CEP112: variants seen among roughly 807,000 people sequenced by gnomAD.
CEP112 encodes centrosomal protein 112, also known as centrosomal protein of 112 kDa.
CEP112 carries 127 observed loss-of-function variants against 153.0 expected under a neutral mutation model. The ratio of observed to expected loss-of-function variants is 0.83; its 90% confidence interval spans 0.72 to 0.96. The LOEUF (loss-of-function observed/expected upper bound fraction) is 0.96. Among genes scored for constraint, CEP112 ranks in the 40% least tolerant of loss-of-function variants. CEP112 has a pLI of 0.00. For synonymous variants in CEP112, 358 were observed against 374.4 expected, an observed-to-expected ratio of 0.96 and a Z score of 0.51; for missense variants, 1,089 against 1,101.2, an observed-to-expected ratio of 0.99 and a Z score of 0.16.
At chr17:65,906,734 T>G (rs577480646) in intron 19 of CEP112, among the ~76,000 whole-genome samples, 1 of 152,294 alleles carries the variant, frequency 6.6e-6, no homozygotes, top group South Asian at 2.1e-4. Context: ...ATGTGTATGC[T>G]TTGTTCTGTG....
rs1431897023 is a variant in CEP112 at position 65,937,801 on chromosome 17, T to G, written c.1873-10112A>C. Among the ~76,000 whole-genome samples, 129 of 79,538 alleles carry G rather than the reference T, an allele frequency of 1.6e-3. 9 individuals are homozygous for G. The highest frequency in any genetic ancestry group is 4.0e-3 in the African/African-American group (89 of 22,378). 52.2% of individuals were successfully genotyped at this position (79,538 alleles called of 152,430 possible). A position where few individuals can be genotyped will look rare whatever the true frequency, so the allele number is the denominator to read the frequency against. On this transcript the variant is annotated intron_variant, in intron 18 of 26. Coordinates refer to ENST00000535342, the MANE Select transcript of CEP112 (RefSeq NM_001199165.4). Reference sequence around the variant, plus strand: ...CCGTCTGGGAGGGGGGTGGGGGGGGTCAGCCCCCCGCCCGGCCAGCCGCCC... The same window carrying G: ...CCGTCTGGGAGGGGGGTGGGGGGGGGCAGCCCCCCGCCCGGCCAGCCGCCC...
intron 21 of CEP112, among the ~76,000 whole-genome samples, chr17:65,839,105 C>A (rs1433862947): frequency 6.6e-6 from 1 of 151,888 alleles, no homozygotes; most frequent in Non-Finnish European, 1.5e-5. Context: ...TACTCAAAGT[C>A]AACAAAAAAA....
At chr17:65,732,073 C>G (rs1222498958) in intron 23 of CEP112, among the ~76,000 whole-genome samples, 4 of 152,178 alleles carry the variant, frequency 2.6e-5, no homozygotes, top group Non-Finnish European at 5.9e-5. Flanking sequence ...TGCCCAGTTC[C>G]ATCAGAGGAA....
At chr17:65,883,405 G>A (rs2059157771) in intron 20 of CEP112, among the ~76,000 whole-genome samples, 1 of 151,974 alleles carries the variant, frequency 6.6e-6, no homozygotes, top group African/African-American at 2.4e-5. Context: ...CTGTCACCCA[G>A]GCTGGAGTGC....
intron 16 of CEP112, among the ~76,000 whole-genome samples, chr17:66,011,115 TA>T (rs1335083358): frequency 1.3e-5 from 2 of 152,170 alleles, no homozygotes; most frequent in Non-Finnish European, 2.9e-5. Flanking sequence ...GTAGGCTTTT[TA>T]TTACTGATTT....
intron 1 of CEP112, among the ~76,000 whole-genome samples, chr17:66,186,653 C>T (rs1202150586): frequency 1.3e-5 from 2 of 152,280 alleles, no homozygotes; most frequent in Non-Finnish European, 1.5e-5. Context: ...CTTGGCAAGG[C>T]TGCAATCCCT....
At chr17:65,966,580 C>G (rs1029377475) in intron 17 of CEP112, among the ~76,000 whole-genome samples, 2 of 152,234 alleles carry the variant, frequency 1.3e-5, no homozygotes, top group Non-Finnish European at 2.9e-5. Context: ...GTCCCCATGC[C>G]CTTTCCAGCT....
At chr17:66,033,851 T>C (rs1286187147) in intron 12 of CEP112, among the ~76,000 whole-genome samples, 1 of 152,238 alleles carries the variant, frequency 6.6e-6, no homozygotes, top group Non-Finnish European at 1.5e-5. Context: ...GCTTAGCTTG[T>C]AGTAGGTATT....
At chr17:65,936,205 C>T (rs1033817829) in intron 18 of CEP112, among the ~76,000 whole-genome samples, 2 of 152,102 alleles carry the variant, frequency 1.3e-5, no homozygotes, top group Non-Finnish European at 2.9e-5. Context: ...AATAGAACAT[C>T]TGAACAGACC....
At chr17:66,056,805 T>C (rs1201420992) in intron 11 of CEP112, among the ~76,000 whole-genome samples, 4 of 152,178 alleles carry the variant, frequency 2.6e-5, no homozygotes, top group African/African-American at 4.8e-5. Context: ...GTAAATTATA[T>C]TGTGGTGGAA....
intron 19 of CEP112, among the ~76,000 whole-genome samples, chr17:65,925,649 TA>T (rs1479123082): frequency 6.6e-6 from 1 of 152,208 alleles, no homozygotes; most frequent in African/African-American, 2.4e-5. Context: ...TAAATTGTTT[TA>T]CGCTAACCCC....
intron 8 of CEP112, among the ~76,000 whole-genome samples, chr17:66,073,644 A>T (rs985333567): frequency 6.6e-6 from 1 of 152,216 alleles, no homozygotes; most frequent in African/African-American, 2.4e-5. Context: ...GCCACACCTT[A>T]GGACTACTCT....
chr17:65,948,752 C>T (rs923672335), intron 18 of CEP112, among the ~76,000 whole-genome samples: 10 of 151,936 alleles, frequency 6.6e-5, no homozygotes, highest in African/African-American at 2.2e-4. Flanking sequence ...TTCTTCAAAG[C>T]GAAAGAAAGA....
intron 21 of CEP112, among the ~76,000 whole-genome samples, chr17:65,818,655 G>A (rs1036992835): frequency 2.6e-5 from 4 of 151,830 alleles, no homozygotes; most frequent in African/African-American, 4.8e-5. Context: ...TAGATGGTCT[G>A]AGACTAAATG....
chr17:65,845,135 C>G (rs2057681443), intron 21 of CEP112, among the ~76,000 whole-genome samples: 1 of 152,130 alleles, frequency 6.6e-6, no homozygotes, highest in Non-Finnish European at 1.5e-5. Flanking sequence ...GCCTGACCAA[C>G]ATGGAGAAAC....
At chr17:66,136,951 T>C (rs896789352) in intron 4 of CEP112, among the ~76,000 whole-genome samples, 1 of 151,934 alleles carries the variant, frequency 6.6e-6, no homozygotes, top group African/African-American at 2.4e-5. Flanking sequence ...TTTTCAAATA[T>C]GCAGACATTA....
chr17:65,794,945 T>C lies in CEP112; in HGVS notation c.2395-44221A>G, dbSNP rs188344512. Reference sequence around the variant, plus strand: ...TGGGGACTGTGATCTGTTTTGTTCATTGATATATTCCAAGTACATGGAACA... The same window carrying C: ...TGGGGACTGTGATCTGTTTTGTTCACTGATATATTCCAAGTACATGGAACA... On this transcript the variant is annotated intron_variant, in intron 21 of 26. Coordinates refer to ENST00000535342, the MANE Select transcript of CEP112 (RefSeq NM_001199165.4). Among the ~76,000 whole-genome samples, 222 of 152,372 alleles carry C rather than the reference T, an allele frequency of 1.5e-3. 2 individuals are homozygous for C. The highest frequency in any genetic ancestry group is 0.014 in the Middle Eastern group (4 of 294).
chr17:66,058,405 T>C (rs1598258793), intron 11 of CEP112, among the ~76,000 whole-genome samples: 2 of 151,662 alleles, frequency 1.3e-5, no homozygotes, highest in South Asian at 2.1e-4. Flanking sequence ...AATAACAAAA[T>C]AAAAACTAGA....
intron 20 of CEP112, among the ~76,000 whole-genome samples, chr17:65,879,548 T>C (rs559818762): frequency 1.3e-5 from 2 of 152,164 alleles, no homozygotes; most frequent in African/African-American, 4.8e-5. Context: ...TAAATGTGAC[T>C]CAAAAGCAAG....
Sources: gnomAD v4.1 joint callset for allele counts (sites outside exome capture counted in the v4.1 genomes callset) on GRCh38, gnomAD v4.1.1 for gene constraint, MANE v1.5 for transcripts, NCBI Gene and HGNC (gene_info 2026-07-23, HGNC 2026-07-21) for gene names.